OTUD7A: variants seen among roughly 807,000 people sequenced by gnomAD.
OTUD7A encodes OTU domain-containing protein 7A.
Under a neutral mutation model 65.7 loss-of-function variants are expected in OTUD7A, and 12 were observed. The observed-to-expected ratio is 0.18, with a 90% CI of 0.12 to 0.30. The LOEUF is 0.30. Among genes scored for constraint, OTUD7A ranks in the 10% least tolerant of loss-of-function variants. The pLI, the probability that OTUD7A is intolerant of heterozygous loss-of-function variation, is 1.00. For synonymous variants in OTUD7A, 641 were observed against 586.3 expected (o/e 1.09, Z -1.35); for missense variants, 1,148 against 1,304.8 (o/e 0.88, Z 1.85).
chr15:31,651,103 C>T lies in OTUD7A; in HGVS notation c.151+3993G>A, dbSNP rs555124338. On this transcript the variant is annotated intron_variant, in intron 3 of 12. Coordinates refer to ENST00000307050, the MANE Select transcript of OTUD7A (RefSeq NM_001382637.1). ...AGACCTTAGGTAATAACAAAAGGGC[C>T]GAGCTTCCTATCATCTGAGTCCCAG... is the stretch of plus-strand genomic sequence containing the variant. Among the ~76,000 whole-genome samples the T allele has an allele frequency of 1.3e-4, 17 of 132,566 alleles. No individual in the cohort carries two copies. The East Asian group carries it at 3.9e-3, about 31-fold the overall frequency. The allele number at this position is 132,566 out of a possible 152,430, so 87.0% of individuals were successfully genotyped here.
intron 1 of OTUD7A, among the ~76,000 whole-genome samples, chr15:31,659,061 AAATAAATAAATAAATAAAT>A (rs1892080960): frequency 8.2e-6 from 1 of 121,586 alleles, no homozygotes; most frequent in African/African-American, 2.9e-5. Context: ...ATAAATAAAT[AAATAAATAAATAAATAAAT>A]AAAATAAAAT....
chr15:31,488,064 C>G (rs1262091341), intron 10 of OTUD7A, among the ~76,000 whole-genome samples: 1 of 152,164 alleles, frequency 6.6e-6, no homozygotes, highest in East Asian at 1.9e-4. Flanking sequence ...ATGGACCCAC[C>G]CGCCCCTGCC....
rs184378857 is a variant in OTUD7A, at chr15:31,846,878, G to A, written c.-100+23629C>T. 1.3e-3 allele frequency among the ~76,000 whole-genome samples: 192 copies of A among 148,848 alleles called. 1 individual carries two copies. Among genetic ancestry groups the A allele is most frequent in the African/African-American group, 4.4e-3 (180 of 41,304 alleles). On this transcript the variant is annotated intron_variant, in intron 1 of 12. Coordinates refer to ENST00000307050, the MANE Select transcript of OTUD7A (RefSeq NM_001382637.1). Reference sequence around the variant, plus strand: ...TCTAAAGAGTACTTGCTACTTTCACGAGTTTAGACAAAAAGTCTGTTGAAA... The same window carrying A: ...TCTAAAGAGTACTTGCTACTTTCACAAGTTTAGACAAAAAGTCTGTTGAAA...
intron 8 of OTUD7A, 102 bp downstream of exon 8, chr15:31,526,247 A>T: frequency 8.5e-7 from 1 of 1,171,240 alleles, no homozygotes; most frequent in Non-Finnish European, 1.2e-6. Flanking sequence ...CCACAGCACA[A>T]GAGTCCCACA....
chr15:31,666,123 T>A (rs1892313877), intron 1 of OTUD7A, among the ~76,000 whole-genome samples: 1 of 152,154 alleles, frequency 6.6e-6, no homozygotes, highest in Non-Finnish European at 1.5e-5. Flanking sequence ...GTTTTCTTTT[T>A]TGGTTATGTC....
chr15:31,856,027 G>T (rs1311550997), intron 1 of OTUD7A, among the ~76,000 whole-genome samples: 1 of 152,136 alleles, frequency 6.6e-6, no homozygotes, highest in African/African-American at 2.4e-5. Context: ...CCACGTCAAT[G>T]GTAACTCCAG....
At chr15:31,532,276 A>C (rs988886764) in intron 5 of OTUD7A, among the ~76,000 whole-genome samples, 1 of 152,212 alleles carries the variant, frequency 6.6e-6, no homozygotes, top group Non-Finnish European at 1.5e-5. Context: ...TTACAAACAT[A>C]CCTAAGACAA....
intron 5 of OTUD7A, among the ~76,000 whole-genome samples, chr15:31,549,212 C>G (rs978508548): frequency 6.6e-6 from 1 of 151,228 alleles, no homozygotes; most frequent in African/African-American, 2.4e-5. Flanking sequence ...CTGTAACATA[C>G]CAATCCAAGT....
chr15:31,793,883 C>G (rs577185586), intron 1 of OTUD7A, among the ~76,000 whole-genome samples: 24 of 152,174 alleles, frequency 1.6e-4, no homozygotes, highest in Non-Finnish European at 3.1e-4. Context: ...CCTTGGTATT[C>G]CAGAGATGGT....
chr15:31,830,623 T>C (rs573049551), intron 1 of OTUD7A, among the ~76,000 whole-genome samples: 1 of 152,350 alleles, frequency 6.6e-6, no homozygotes, highest in Non-Finnish European at 1.5e-5. Flanking sequence ...TAATTAAAAT[T>C]GTTTCACCCT....
At chr15:31,780,944 G>A (rs562365340) in intron 1 of OTUD7A, among the ~76,000 whole-genome samples, 1 of 152,340 alleles carries the variant, frequency 6.6e-6, no homozygotes, top group East Asian at 1.9e-4. Flanking sequence ...TTGATGTACT[G>A]AGCAGTTATA....
At chr15:31,754,498 G>T (rs561734999) in intron 1 of OTUD7A, among the ~76,000 whole-genome samples, 5 of 152,142 alleles carry the variant, frequency 3.3e-5, no homozygotes, top group Non-Finnish European at 7.4e-5. Flanking sequence ...TCATGTCTTA[G>T]ATTTAAGTCT....
intron 1 of OTUD7A, among the ~76,000 whole-genome samples, chr15:31,722,779 C>T (rs536216378): frequency 6.6e-6 from 1 of 152,214 alleles, no homozygotes; most frequent in Non-Finnish European, 1.5e-5. Flanking sequence ...CGTGGTCTTA[C>T]AGTTGGCAAA....
At chr15:31,771,831 G>C (rs1895242466) in intron 1 of OTUD7A, among the ~76,000 whole-genome samples, 1 of 152,140 alleles carries the variant, frequency 6.6e-6, no homozygotes, top group African/African-American at 2.4e-5. Context: ...TGGCCTTAGA[G>C]CCTGCCAAAC....
intron 3 of OTUD7A, among the ~76,000 whole-genome samples, chr15:31,641,348 T>C (rs191512753): frequency 3.8e-4 from 58 of 152,350 alleles, no homozygotes; most frequent in African/African-American, 1.3e-3. Flanking sequence ...TCTTGGGTAT[T>C]TCTTCATAGC....
At chr15:31,509,916 A>ATT (rs112193858) in intron 8 of OTUD7A, among the ~76,000 whole-genome samples, 1 of 119,490 alleles carries the variant, frequency 8.4e-6, no homozygotes, top group African/African-American at 3.1e-5. Context: ...ACTTTTTTCT[A>ATT]TTTTTTTTTC....
chr15:31,485,887 C>G (rs745457456), intron 12 of OTUD7A, among the ~76,000 whole-genome samples: 1 of 152,222 alleles, frequency 6.6e-6, no homozygotes, highest in Non-Finnish European at 1.5e-5. Flanking sequence ...GTGGGCAGAA[C>G]TGACCCTCAC....
chr15:31,810,815 T>C (rs1161642030), intron 1 of OTUD7A, among the ~76,000 whole-genome samples: 1 of 152,206 alleles, frequency 6.6e-6, no homozygotes, highest in Non-Finnish European at 1.5e-5. Context: ...CTTCTGGAAT[T>C]CTGTCCAAAA....
intron 3 of OTUD7A, among the ~76,000 whole-genome samples, chr15:31,641,294 G>C (rs555622041): frequency 1.3e-5 from 2 of 152,274 alleles, no homozygotes; most frequent in Admixed American, 6.5e-5. Flanking sequence ...CAGTAATGTG[G>C]AACTGTGAGT....
Sources: allele counts gnomAD v4.1 joint callset (sites outside exome capture counted in the v4.1 genomes callset), GRCh38; gene constraint gnomAD v4.1.1; transcripts MANE v1.5; gene names NCBI Gene and HGNC (gene_info 2026-07-23, HGNC 2026-07-21).